Variants in ZNF529 observed in about 807,000 individuals in gnomAD.
The protein encoded by ZNF529 is zinc finger protein 529.
Under a neutral mutation model 10.1 loss-of-function variants are expected in ZNF529, and 11 were observed. The observed-to-expected ratio is 1.09, with a 90% CI of 0.69 to 1.81. The LOEUF is 1.81. Among genes scored for constraint, ZNF529 ranks in the 40% most tolerant of loss-of-function variants. The probability of loss-of-function intolerance (pLI) is 0.00; values close to 1 mark genes in which losing one functional copy is unlikely to be tolerated. For missense variants in ZNF529, 624 were observed against 666.8 expected (o/e 0.94, Z 0.71); for synonymous variants, 204 against 215.7 (o/e 0.95, Z 0.47).
In ZNF529 at chr19:36,548,297, C is replaced by A; in HGVS notation, c.261G>T (p.Lys87Asn). The part of the protein sequence containing the change: ...SLDLESRNET[K>N]HLSVGKDIIQ... ...TAATATCTTTTCCTACAGATAAATG[C>A]TTAGTCTCATTCCTGGACTCCAAAT... is the stretch of plus-strand genomic sequence containing the variant. The change falls in exon 5 of 5, where the codon AAG (lysine) becomes AAT (asparagine). Residue 87 changes from lysine to asparagine, a missense_variant. By Grantham distance (94) the Lys-to-Asn change is moderately conservative (BLOSUM62 0). Transcript: ENST00000591340. 6.3e-7 allele frequency: 1 copy of A among 1,587,220 alleles called. No homozygotes were observed. The highest frequency in any genetic ancestry group is 8.6e-7 in the Non-Finnish European group (1 of 1,165,112).
upstream of ZNF529, chr19:36,573,394 C>A (rs868632321): frequency 2.1e-6 from 1 of 465,864 alleles, no homozygotes; most frequent in Admixed American, 2.4e-5. Context: ...AAGCGGAGCC[C>A]GCTGGCCGCA....
chr19:36,548,810 C>G (rs1464798281), intron 4 of ZNF529, among the ~76,000 whole-genome samples: 1 of 152,136 alleles, frequency 6.6e-6, no homozygotes, highest in East Asian at 1.9e-4. Context: ...TACCTGAGCT[C>G]AGAACTTTGT....
chr19:36,560,561 G>A lies in ZNF529; in HGVS notation c.15-4364C>T, dbSNP rs868200729. Among the ~76,000 whole-genome samples the A allele has an allele frequency of 5.9e-5, 9 of 152,186 alleles. No individual in the cohort carries two copies. The South Asian group carries it at 8.3e-4, about 14-fold the overall frequency. The stretch of plus-strand genomic sequence containing the variant: ...GATTGATAAAATAAAAGTTATAAAT[G>A]TATAAAGGTTCTCCTTTCTTCTCAT... On this transcript the variant is annotated intron_variant, in intron 2 of 4. Transcript: ENST00000591340.
At chr19:36,562,257 C>T (rs530772249) in intron 2 of ZNF529, among the ~76,000 whole-genome samples, 1 of 151,966 alleles carries the variant, frequency 6.6e-6, no homozygotes, top group East Asian at 1.9e-4. Context: ...CATTATTATT[C>T]CATTGTAGCT....
intron 2 of ZNF529, among the ~76,000 whole-genome samples, chr19:36,556,571 T>C (rs1206498702): frequency 6.6e-6 from 1 of 152,198 alleles, no homozygotes; most frequent in African/African-American, 2.4e-5. Context: ...ACATGAAATG[T>C]AGGCTTTAAC....
intron 1 of ZNF529, among the ~76,000 whole-genome samples, chr19:36,604,563 G>T (rs558750532): frequency 1.3e-5 from 2 of 148,390 alleles, no homozygotes; most frequent in Non-Finnish European, 3.0e-5. Flanking sequence ...CATTATGAAA[G>T]CGACAGGGGC....
At chr19:36,597,963 A>G (rs949869300) in intron 1 of ZNF529, among the ~76,000 whole-genome samples, 3 of 152,206 alleles carry the variant, frequency 2.0e-5, no homozygotes, top group Admixed American at 6.5e-5. Flanking sequence ...AGATTTGAGC[A>G]GGCTGCAATC....
In ZNF529 at chr19:36,545,992, C is replaced by T. The variant is rs2034993954; in HGVS notation, c.*874G>A. Reference sequence around the variant, plus strand: ...TATATTCCAATATAACACACATACACACTATATATATATAGTGCCCAGTAT... The same window carrying T: ...TATATTCCAATATAACACACATACATACTATATATATATAGTGCCCAGTAT... On this transcript the variant is annotated 3_prime_UTR_variant, in exon 5 of 5. Transcript: ENST00000591340. The T allele has an allele frequency of 6.6e-6, 1 of 150,694 alleles. No homozygotes were observed. The highest frequency in any genetic ancestry group is 2.4e-5 in the African/African-American group (1 of 41,082). The allele number at this position is 150,694 out of a possible 1,614,324, so 9.3% of individuals were successfully genotyped here. A position where few individuals can be genotyped will look rare whatever the true frequency, so the allele number is the denominator to read the frequency against.
upstream of ZNF529, chr19:36,574,992 G>C (rs765723997): frequency 4.4e-6 from 2 of 453,870 alleles, no homozygotes; most frequent in Non-Finnish European, 9.0e-6. Flanking sequence ...ACTGGAGTAA[G>C]TAGTTTCTGA....
intron 2 of ZNF529, among the ~76,000 whole-genome samples, chr19:36,583,073 T>C (rs894984590): frequency 3.3e-5 from 5 of 152,116 alleles, no homozygotes; most frequent in African/African-American, 1.2e-4. Context: ...GTTTGTTTGT[T>C]TGTTTGGAGA....
intron 3 of ZNF529, among the ~76,000 whole-genome samples, chr19:36,555,288 GTT>G (rs1174016214): frequency 1.1e-5 from 1 of 90,238 alleles, no homozygotes; most frequent in Non-Finnish European, 2.2e-5. Context: ...CAGCGATAAA[GTT>G]TTTTTTTTTT....
At position 36,566,896 on chromosome 19, in the gene ZNF529, T is replaced by C. The variant is rs544171225; in HGVS notation, c.14+5437A>G. Among the ~76,000 whole-genome samples, 8 of 151,932 alleles carry C rather than the reference T, an allele frequency of 5.3e-5. No individual in the cohort carries two copies. In the South Asian group the frequency reaches 1.5e-3, roughly 28 times the overall value. The stretch of plus-strand genomic sequence containing the variant: ...TTAGCCTGGTGTGGTGGCAGGCACC[T>C]GTAGTCTCAGCTACTTGGGAGGCTA... On this transcript the variant is annotated intron_variant, in intron 2 of 4. Coordinates refer to ENST00000591340, the MANE Select transcript of ZNF529 (RefSeq NM_020951.5).
At chr19:36,558,546 A>G (rs1022927733) in intron 2 of ZNF529, among the ~76,000 whole-genome samples, 5 of 152,200 alleles carry the variant, frequency 3.3e-5, no homozygotes, top group African/African-American at 7.2e-5. Context: ...GTACTCACAC[A>G]CACAAAATCC....
chr19:36,578,066 T>A (rs1022036145), upstream of ZNF529, among the ~76,000 whole-genome samples: 12 of 72,674 alleles, frequency 1.7e-4, no homozygotes, highest in Admixed American at 4.7e-4. Context: ...GAGATTTTTT[T>A]TTTTTTTTTT....
chr19:36,548,043 T>C lies in ZNF529; in HGVS notation c.515A>G (p.Glu172Gly), dbSNP rs780062888. The change falls in exon 5 of 5, where the codon GAA becomes GGA. Residue 172 changes from glutamate (E) to glycine (G), a missense_variant. Glu to Gly is a moderately conservative substitution (Grantham distance 98). Transcript: ENST00000591340. Reference protein sequence around the residue: ...RRTHDSEKPYEYKEYEKVFSC... With the variant: ...RRTHDSEKPYGYKEYEKVFSC... ...GAAGACCTTCTCATATTCCTTGTAT[T>C]CATAGGGCTTCTCACTGTCATGAGT... 4.3e-6 allele frequency: 7 copies of C among 1,613,946 alleles called. No homozygotes were observed. In the South Asian group the frequency reaches 7.7e-5, roughly 18 times the overall value.
chr19:36,585,981 G>T (rs566022750), intron 2 of ZNF529, among the ~76,000 whole-genome samples: 1 of 152,318 alleles, frequency 6.6e-6, no homozygotes, highest in African/African-American at 2.4e-5. Context: ...TTTTTAAGGG[G>T]TTTCAACTGT....
At chr19:36,551,814 A>G (rs553859275) in intron 4 of ZNF529, 1 of 152,286 alleles carries the variant, frequency 6.6e-6, no homozygotes, top group African/African-American at 2.4e-5. Context: ...CTCTTTCTCC[A>G]TCACACACCA....
At position 36,544,073 on chromosome 19, in the gene ZNF529, A is replaced by C. The variant is rs1183952456; in HGVS notation, c.*2793T>G. 1.3e-5 allele frequency: 2 copies of C among 152,282 alleles called. No individual in the cohort carries two copies. Among genetic ancestry groups the C allele is most frequent in the East Asian group, 3.9e-4 (2 of 5,168 alleles). The allele number at this position is 152,282 out of a possible 1,614,324, so 9.4% of individuals were successfully genotyped here. On this transcript the variant is annotated 3_prime_UTR_variant, in exon 5 of 5. Transcript: ENST00000591340. ...ATATCCTATCCTATTGAATATGAGA[A>C]TAAAGCTCCTATGCAGGCTTAGAGA...
At chr19:36,560,001 G>T (rs1377750751) in intron 2 of ZNF529, among the ~76,000 whole-genome samples, 3 of 152,150 alleles carry the variant, frequency 2.0e-5, no homozygotes, top group African/African-American at 7.2e-5. Flanking sequence ...GTTCACACCT[G>T]TAATTCCAGC....
Sources: allele counts gnomAD v4.1 joint callset (sites outside exome capture counted in the v4.1 genomes callset), GRCh38; gene constraint gnomAD v4.1.1; transcripts MANE v1.5; gene names NCBI Gene and HGNC (gene_info 2026-07-23, HGNC 2026-07-21).